Variants in BBX observed in about 807,000 individuals in gnomAD.
The protein encoded by BBX is BBX high mobility group box domain containing.
BBX carries 30 observed loss-of-function variants against 100.2 expected under a neutral mutation model. The ratio of observed to expected loss-of-function variants is 0.30; its 90% CI spans 0.22 to 0.41. The LOEUF (loss-of-function observed/expected upper bound fraction) is 0.41. Among genes scored for constraint, BBX ranks in the 10% least tolerant of loss-of-function variants. The pLI is 1.00. For missense variants in BBX, 1,023 were observed against 1,129.8 expected, an observed-to-expected ratio of 0.91 and a Z score of 1.35; for synonymous variants, 376 against 388.1, an observed-to-expected ratio of 0.97 and a Z score of 0.37.
chr3:107,708,073 A>G (rs1339468756), intron 3 of BBX, among the ~76,000 whole-genome samples: 1 of 152,166 alleles, frequency 6.6e-6, no homozygotes, highest in Non-Finnish European at 1.5e-5. Context: ...TGTCACAGAA[A>G]CAACCATTTC....
At chr3:107,644,769 CAT>C (rs1391680641) in intron 2 of BBX, among the ~76,000 whole-genome samples, 2 of 152,108 alleles carry the variant, frequency 1.3e-5, no homozygotes, top group Non-Finnish European at 2.9e-5. Context: ...CCTGAAGCCA[CAT>C]GAGACCAATT....
chr3:107,530,253 G>A (rs549735493), intron 2 of BBX, among the ~76,000 whole-genome samples: 5 of 152,142 alleles, frequency 3.3e-5, no homozygotes, highest in African/African-American at 1.2e-4. Context: ...TTAGTCAGGT[G>A]TATTGGTGGG....
intron 10 of BBX, among the ~76,000 whole-genome samples, chr3:107,769,273 T>C (rs1166440579): frequency 2.0e-5 from 3 of 151,998 alleles, no homozygotes; most frequent in South Asian, 4.2e-4. Flanking sequence ...ATAGAAAAAA[T>C]TTTGAAGTAT....
chr3:107,584,203 T>A (rs1445229982), intron 2 of BBX, among the ~76,000 whole-genome samples: 1 of 58,148 alleles, frequency 1.7e-5, no homozygotes, highest in Non-Finnish European at 3.4e-5. Context: ...GATATATATA[T>A]TATTATATAT....
intron 3 of BBX, among the ~76,000 whole-genome samples, chr3:107,689,560 G>A (rs1314804944): frequency 2.0e-5 from 3 of 152,178 alleles, no homozygotes; most frequent in African/African-American, 4.8e-5. Context: ...AAGAGCTGCA[G>A]CATCAATATT....
intron 3 of BBX, among the ~76,000 whole-genome samples, chr3:107,671,859 C>T (rs1396648523): frequency 1.3e-5 from 2 of 151,964 alleles, no homozygotes; most frequent in Non-Finnish European, 2.9e-5. Flanking sequence ...ACGAATGCAG[C>T]CTAGTTTTAC....
At chr3:107,799,415 TG>T (rs1396525714) in intron 16 of BBX, among the ~76,000 whole-genome samples, 1 of 152,188 alleles carries the variant, frequency 6.6e-6, no homozygotes, top group Non-Finnish European at 1.5e-5. Context: ...TTTTATTCCA[TG>T]TTTAAAATCA....
At chr3:107,723,339 G>A (rs1384057966) in intron 5 of BBX, among the ~76,000 whole-genome samples, 4 of 151,908 alleles carry the variant, frequency 2.6e-5, no homozygotes, top group Non-Finnish European at 5.9e-5. Context: ...AAGTGCTTTT[G>A]TTCATCAAAT....
At chr3:107,744,380 T>C (rs753642239) in intron 7 of BBX, among the ~76,000 whole-genome samples, 5 of 152,176 alleles carry the variant, frequency 3.3e-5, no homozygotes, top group Admixed American at 6.5e-5. Context: ...TCTAACATTC[T>C]AAGCTTCCTA....
chr3:107,606,612 T>C (rs1576472424), intron 2 of BBX, among the ~76,000 whole-genome samples: 1 of 152,332 alleles, frequency 6.6e-6, no homozygotes, highest in East Asian at 1.9e-4. Flanking sequence ...ATATTGGTTA[T>C]ATTTTTACAT....
chr3:107,703,383 G>A (rs1030356833), intron 3 of BBX, among the ~76,000 whole-genome samples: 1 of 152,096 alleles, frequency 6.6e-6, no homozygotes, highest in Non-Finnish European at 1.5e-5. Context: ...TTTCAAGGTA[G>A]CTTTCGTCTC....
At position 107,713,967 on chromosome 3, in the gene BBX, C is replaced by CTTTTTTTTTT. The variant is rs569427270; in HGVS notation, c.163-2623_163-2614dup. Among the ~76,000 whole-genome samples, 12 of 82,284 alleles carry CTTTTTTTTTT rather than the reference C, an allele frequency of 1.5e-4. 1 individual carries two copies. The highest frequency in any genetic ancestry group is 1.8e-4 in the Non-Finnish European group (7 of 38,726). 54.0% of individuals were successfully genotyped at this position (82,284 alleles called of 152,430 possible). On this transcript the variant is annotated intron_variant, in intron 4 of 17. Coordinates refer to ENST00000325805, the MANE Select transcript of BBX (RefSeq NM_001142568.3). ...TTTTAATTTTTTTAATAATTTTTTTCTTTTTTTTTTTTTTTTTTTTTTTTT... is the reference window on the plus strand; with the variant it reads ...TTTTAATTTTTTTAATAATTTTTTTCTTTTTTTTTTTTTTTTTTTTTTTTTTTTTTTTTTT...
chr3:107,586,379 T>A (rs1179465595), intron 2 of BBX, among the ~76,000 whole-genome samples: 2 of 152,242 alleles, frequency 1.3e-5, no homozygotes, highest in Non-Finnish European at 2.9e-5. Context: ...GTAATTGTTT[T>A]TTTTAGATCT....
At chr3:107,802,886 C>G (rs2070671356) in intron 17 of BBX, among the ~76,000 whole-genome samples, 1 of 152,204 alleles carries the variant, frequency 6.6e-6, no homozygotes, top group Non-Finnish European at 1.5e-5. Flanking sequence ...TTCTCCCCAC[C>G]CTAGTCCCCG....
intron 2 of BBX, among the ~76,000 whole-genome samples, chr3:107,545,909 C>A (rs926078913): frequency 2.0e-5 from 3 of 152,166 alleles, no homozygotes; most frequent in Non-Finnish European, 4.4e-5. Flanking sequence ...TGAAATGGTG[C>A]TCTCTTACTA....
At chr3:107,705,284 C>T (rs1359903955) in intron 3 of BBX, among the ~76,000 whole-genome samples, 2 of 152,174 alleles carry the variant, frequency 1.3e-5, no homozygotes, top group Admixed American at 1.3e-4. Context: ...CCATACTCTC[C>T]TGTTTCACTG....
At chr3:107,682,168 A>G (rs1286820404) in intron 3 of BBX, among the ~76,000 whole-genome samples, 1 of 152,048 alleles carries the variant, frequency 6.6e-6, no homozygotes, top group African/African-American at 2.4e-5. Context: ...GGGTAGGGTG[A>G]GTGAGGTTCG....
chr3:107,649,961 A>G (rs1012510236), intron 3 of BBX, among the ~76,000 whole-genome samples: 1 of 152,178 alleles, frequency 6.6e-6, no homozygotes, highest in African/African-American at 2.4e-5. Flanking sequence ...AAGTTGCAAA[A>G]AGTATCAAAT....
intron 3 of BBX, among the ~76,000 whole-genome samples, chr3:107,703,348 G>C (rs1341587605): frequency 6.6e-6 from 1 of 152,150 alleles, no homozygotes; most frequent in Admixed American, 6.5e-5. Flanking sequence ...TCCTCCTCAA[G>C]CCACCTCTTT....
Sources: gnomAD v4.1 joint callset for allele counts (sites outside exome capture counted in the v4.1 genomes callset) on GRCh38, gnomAD v4.1.1 for gene constraint, MANE v1.5 for transcripts, NCBI Gene and HGNC (gene_info 2026-07-23, HGNC 2026-07-21) for gene names.